MALRD1: variants seen among roughly 807,000 people sequenced by gnomAD.
MALRD1 encodes MAM and LDL-receptor class A domain-containing protein 1.
Under a neutral mutation model 242.1 loss-of-function variants are expected in MALRD1, and 247 were observed. That is an observed-to-expected ratio of 1.02 (90% CI 0.92 to 1.13). The LOEUF (loss-of-function observed/expected upper bound fraction) is 1.13, where lower values mean the gene tolerates loss of function less well. Among genes scored for constraint, MALRD1 ranks in the 50% most tolerant of loss-of-function variants. The pLI, the probability that MALRD1 is intolerant of heterozygous loss-of-function variation, is 0.00. For synonymous variants in MALRD1, 995 were observed against 866.6 expected (o/e 1.15, Z -2.60); for missense variants, 2,989 against 2,533.1 (o/e 1.18, Z -3.86).
intron 28 of MALRD1, among the ~76,000 whole-genome samples, chr10:19,428,656 A>G (rs965686807): frequency 6.6e-6 from 1 of 151,976 alleles, no homozygotes; most frequent in Admixed American, 6.6e-5. Flanking sequence ...CCCTATCCAG[A>G]AACTCTTTCA....
At chr10:19,552,691 C>G (rs1589231789) in intron 32 of MALRD1, among the ~76,000 whole-genome samples, 1 of 151,068 alleles carries the variant, frequency 6.6e-6, no homozygotes, top group African/African-American at 2.4e-5. Context: ...AATTGATTAT[C>G]GTAGAAATAT....
Position 19,324,031 on chromosome 10 carries a change from A to C in MALRD1, c.3502A>C (p.Ile1168Leu). The change falls in exon 22 of 40, where the codon ATT (isoleucine) becomes CTT (leucine). Residue 1168 changes from isoleucine (I) to leucine (L), a missense_variant. By Grantham distance (5) the Ile-to-Leu change is conservative (BLOSUM62 2). Transcript: ENST00000454679. Reference sequence around the variant, plus strand: ...CACGGCTGACATTCTCACTCCTATCATTTCACTCACGGGACCAAAATGTAC... The same window carrying C: ...CACGGCTGACATTCTCACTCCTATCCTTTCACTCACGGGACCAAAATGTAC... ...GDTADILTPI[I>L]SLTGPKCTLV... The C allele has an allele frequency of 6.4e-7, 1 of 1,550,748 alleles. No individual in the cohort carries two copies. The highest frequency in any genetic ancestry group is 8.7e-7 in the Non-Finnish European group (1 of 1,146,926).
intron 32 of MALRD1, among the ~76,000 whole-genome samples, chr10:19,543,433 CTTTTT>C (rs71388849): frequency 3.8e-5 from 4 of 106,408 alleles, no homozygotes; most frequent in Admixed American, 2.2e-4. Flanking sequence ...CAGCTGATTT[CTTTTT>C]TTTTTTTTTT....
intron 21 of MALRD1, among the ~76,000 whole-genome samples, chr10:19,313,626 A>G (rs948980405): frequency 2.0e-5 from 3 of 151,616 alleles, no homozygotes; most frequent in Non-Finnish European, 4.4e-5. Flanking sequence ...AACTATGTAC[A>G]TCTATTATGA....
intron 32 of MALRD1, among the ~76,000 whole-genome samples, chr10:19,533,815 G>A (rs1254472133): frequency 2.6e-5 from 4 of 152,162 alleles, no homozygotes; most frequent in South Asian, 2.1e-4. Flanking sequence ...AGATTTGGAC[G>A]GGGTCAAATA....
intron 36 of MALRD1, among the ~76,000 whole-genome samples, chr10:19,684,151 T>A (rs1293679692): frequency 6.6e-6 from 1 of 152,188 alleles, no homozygotes; most frequent in African/African-American, 2.4e-5. Context: ...TTAACTTTAG[T>A]GAAGCAAAAC....
At chr10:19,205,955 A>G (rs1836765021) in intron 17 of MALRD1, among the ~76,000 whole-genome samples, 1 of 151,640 alleles carries the variant, frequency 6.6e-6, no homozygotes, top group Non-Finnish European at 1.5e-5. Flanking sequence ...GAAAAGAAAA[A>G]GTTTGCATCT....
chr10:19,374,427 TA>T (rs1205663432), intron 26 of MALRD1, among the ~76,000 whole-genome samples: 3 of 152,224 alleles, frequency 2.0e-5, no homozygotes, highest in African/African-American at 7.2e-5. Context: ...CCCAGTAGCA[TA>T]ATTACTATAG....
chr10:19,566,298 ATT>A (rs10548629), intron 32 of MALRD1, among the ~76,000 whole-genome samples: 3,323 of 110,836 alleles, frequency 0.03, 74 homozygotes, highest in African/African-American at 0.1. Flanking sequence ...TGCCTGGCTA[ATT>A]TTTTTTTTTT....
intron 36 of MALRD1, among the ~76,000 whole-genome samples, chr10:19,625,357 A>C (rs527586089): frequency 6.6e-6 from 1 of 152,136 alleles, no homozygotes; most frequent in South Asian, 2.1e-4. Context: ...GTTCCTATGA[A>C]AATTCATATG....
At chr10:19,254,062 G>A (rs763878551) in intron 18 of MALRD1, among the ~76,000 whole-genome samples, 1 of 151,932 alleles carries the variant, frequency 6.6e-6, no homozygotes, top group African/African-American at 2.4e-5. Context: ...AGTTTCTTGA[G>A]GCCTCCCCAG....
intron 31 of MALRD1, among the ~76,000 whole-genome samples, chr10:19,498,910 T>C (rs958821265): frequency 2.0e-5 from 3 of 152,160 alleles, no homozygotes; most frequent in South Asian, 4.1e-4. Flanking sequence ...AGGGTGCCAT[T>C]AAATTCCCTA....
Position 19,461,975 on chromosome 10 carries a change from C to A in MALRD1, c.5029+11485C>A, listed in dbSNP as rs74118955. ...CATCCTTTAGTTTTATTTCTAAATTCTCTGACCTATCTTGGGTCAAATGGT... is the reference window on the plus strand; with the variant it reads ...CATCCTTTAGTTTTATTTCTAAATTATCTGACCTATCTTGGGTCAAATGGT... On this transcript the variant is annotated intron_variant, in intron 29 of 39. Coordinates refer to ENST00000454679, the MANE Select transcript of MALRD1 (RefSeq NM_001142308.3). Among the ~76,000 whole-genome samples, 912 of 152,234 alleles carry A rather than the reference C, an allele frequency of 6.0e-3. 9 individuals are homozygous for A. Among genetic ancestry groups the A allele is most frequent in the African/African-American group, 0.021 (864 of 41,554 alleles).
chr10:19,081,549 G>A lies in MALRD1; in HGVS notation c.341-6291G>A, dbSNP rs1835491648. On this transcript the variant is annotated intron_variant, in intron 2 of 39. Transcript: ENST00000454679. The stretch of plus-strand genomic sequence containing the variant: ...AAATACCACATGTTCTCACTTATAA[G>A]TGGGAACTGAATGATGAGAACACAG... Among the ~76,000 whole-genome samples the A allele has an allele frequency of 7.2e-5, 11 of 152,218 alleles. No individual in the cohort carries two copies. The South Asian group carries it at 2.3e-3, about 32-fold the overall frequency.
At chr10:19,501,529 C>A (rs954818916) in intron 31 of MALRD1, among the ~76,000 whole-genome samples, 6 of 152,028 alleles carry the variant, frequency 3.9e-5, no homozygotes, top group African/African-American at 1.4e-4. Context: ...AAGCAATATG[C>A]AAAATGTTAA....
intron 36 of MALRD1, among the ~76,000 whole-genome samples, chr10:19,661,238 G>A (rs1841412919): frequency 6.6e-6 from 1 of 152,062 alleles, no homozygotes; most frequent in South Asian, 2.1e-4. Context: ...GATTCCTCAG[G>A]GATCTAGAAC....
chr10:19,504,877 T>A (rs1838136531), intron 31 of MALRD1, among the ~76,000 whole-genome samples: 1 of 150,596 alleles, frequency 6.6e-6, no homozygotes. Context: ...AGAGACGGGG[T>A]TTCACCTTGT....
At chr10:19,256,201 A>C (rs1264054797) in intron 18 of MALRD1, among the ~76,000 whole-genome samples, 1 of 152,028 alleles carries the variant, frequency 6.6e-6, no homozygotes, top group Admixed American at 6.6e-5. Flanking sequence ...ATTTGTTAGC[A>C]TGTTCTGTGT....
intron 30 of MALRD1, among the ~76,000 whole-genome samples, chr10:19,493,582 G>C (rs1564388651): frequency 6.6e-6 from 1 of 151,554 alleles, no homozygotes; most frequent in African/African-American, 2.4e-5. Context: ...GGCCGATGCG[G>C]GTGGATCACA....
Sources: allele counts gnomAD v4.1 joint callset (sites outside exome capture counted in the v4.1 genomes callset), GRCh38; gene constraint gnomAD v4.1.1; transcripts MANE v1.5; gene names NCBI Gene and HGNC (gene_info 2026-07-23, HGNC 2026-07-21).